Variants in SNX10 observed in about 807,000 individuals in gnomAD.
The protein encoded by SNX10 is sorting nexin 10, also known as sorting nexin-10.
In SNX10, 25 loss-of-function variants were observed where a neutral mutation model predicts 28.5. That is an observed-to-expected ratio of 0.88 (90% CI 0.64 to 1.22). SNX10 has a LOEUF of 1.22. Ranked by LOEUF, SNX10 falls within the 50% of genes most tolerant of loss-of-function variation. SNX10 has a pLI of 0.00. For synonymous variants in SNX10, 62 were observed against 81.4 expected, an observed-to-expected ratio of 0.76 and a Z score of 1.28; for missense variants, 223 against 242.6, an observed-to-expected ratio of 0.92 and a Z score of 0.54.
chr7:26,353,467 G>GGGC (rs1476592557), intron 2 of SNX10, among the ~76,000 whole-genome samples: 2 of 142,922 alleles, frequency 1.4e-5, no homozygotes, highest in Non-Finnish European at 3.1e-5. Context: ...TTTTGGTGGG[G>GGGC]AGACAGAGTC....
chr7:26,313,510 A>G (rs1786934513), intron 1 of SNX10, among the ~76,000 whole-genome samples: 2 of 152,208 alleles, frequency 1.3e-5, no homozygotes, highest in African/African-American at 4.8e-5. Context: ...CTGGGACTCT[A>G]TGCAAAGAAT....
At position 26,346,484 on chromosome 7, in the gene SNX10, C is replaced by CA; in HGVS notation, c.24+23dup. 6.3e-7 allele frequency: 1 copy of CA among 1,579,874 alleles called. No homozygotes were observed. Among genetic ancestry groups the CA allele is most frequent in the Non-Finnish European group, 8.7e-7 (1 of 1,149,060 alleles). ...AGAAAGAGGTATGTCATCACAAATC[C>CA]AAAAATAAATAACCCACTTATTTTG... On this transcript the variant is annotated intron_variant, in intron 2 of 6. Coordinates refer to ENST00000338523, the MANE Select transcript of SNX10 (RefSeq NM_013322.3).
intron 2 of SNX10, among the ~76,000 whole-genome samples, chr7:26,359,733 G>A (rs959832787): frequency 6.6e-6 from 1 of 151,158 alleles, no homozygotes; most frequent in Admixed American, 6.6e-5. Flanking sequence ...ATGCGATCTC[G>A]GCTCACTGCA....
At chr7:26,306,991 A>C (rs1258381566) in intron 1 of SNX10, among the ~76,000 whole-genome samples, 3 of 152,132 alleles carry the variant, frequency 2.0e-5, no homozygotes, top group Non-Finnish European at 4.4e-5. Flanking sequence ...GCCTCACACT[A>C]CTTTTACCAC....
chr7:26,322,529 T>C (rs1413290102), intron 1 of SNX10, among the ~76,000 whole-genome samples: 1 of 152,218 alleles, frequency 6.6e-6, no homozygotes, highest in Non-Finnish European at 1.5e-5. Flanking sequence ...AAGTACTGTT[T>C]AGGAACCCGT....
chr7:26,347,518 C>A (rs866328177), intron 2 of SNX10, among the ~76,000 whole-genome samples: 1 of 152,086 alleles, frequency 6.6e-6, no homozygotes, highest in Non-Finnish European at 1.5e-5. Context: ...TCAGCCCCGG[C>A]GACAGAGCAA....
rs772565532 is a variant in SNX10, at chr7:26,320,557, C to T, written c.-23-25863C>T. 3.3e-5 allele frequency among the ~76,000 whole-genome samples: 5 copies of T among 152,168 alleles called. No individual in the cohort carries two copies. In the East Asian group the frequency reaches 5.8e-4, roughly 18 times the overall value. The stretch of plus-strand genomic sequence containing the variant: ...AGTGATTTCTCCTGCCTCAGCCTCC[C>T]GAGTAGCTGGGACTACAGGCGCCCG... On this transcript the variant is annotated intron_variant, in intron 1 of 6. Coordinates refer to ENST00000338523, the MANE Select transcript of SNX10 (RefSeq NM_013322.3).
intron 1 of SNX10, among the ~76,000 whole-genome samples, chr7:26,310,940 CCCAAAGTGCTGGGATTACAGGCGTGAG>C (rs1320836415): frequency 6.1e-4 from 93 of 152,214 alleles, no homozygotes; most frequent in African/African-American, 2.2e-3. Context: ...ACCTCGGCCT[CCCAAAGTGCTGGGATTACAGGCGTGAG>C]CCACCGTGCC....
At chr7:26,342,833 G>C (rs1788232513) in intron 1 of SNX10, among the ~76,000 whole-genome samples, 1 of 151,904 alleles carries the variant, frequency 6.6e-6, no homozygotes, top group Non-Finnish European at 1.5e-5. Flanking sequence ...TTTTGAGACA[G>C]GGTCTCACTG....
intron 1 of SNX10, among the ~76,000 whole-genome samples, chr7:26,315,721 C>T (rs945530107): frequency 2.6e-5 from 4 of 151,132 alleles, no homozygotes; most frequent in East Asian, 1.9e-4. Flanking sequence ...TGCAAGATAG[C>T]GAATATAATA....
At chr7:26,303,937 T>G (rs953931938) in intron 1 of SNX10, among the ~76,000 whole-genome samples, 1 of 152,226 alleles carries the variant, frequency 6.6e-6, no homozygotes, top group Non-Finnish European at 1.5e-5. Context: ...ATATTTAACA[T>G]TGAATTTGAC....
chr7:26,304,666 T>C (rs373467885), intron 1 of SNX10, among the ~76,000 whole-genome samples: 93 of 152,312 alleles, frequency 6.1e-4, no homozygotes, highest in African/African-American at 2.0e-3. Flanking sequence ...AGTCCCACTT[T>C]ACCACATTTC....
In SNX10 at chr7:26,360,925, T is replaced by A. The variant is rs1375713992; in HGVS notation, c.25-50T>A. ...AGTCGTTTTGTTCAGTTCTTTCCAGTCCTACTTGCAGTTCTGAAGAATATT... is the reference window on the plus strand; with the variant it reads ...AGTCGTTTTGTTCAGTTCTTTCCAGACCTACTTGCAGTTCTGAAGAATATT... On this transcript the variant is annotated intron_variant, in intron 2 of 6. Transcript: ENST00000338523. 5 of 1,605,996 alleles carry A rather than the reference T, an allele frequency of 3.1e-6. No individual in the cohort carries two copies. In the Admixed American group the frequency reaches 6.7e-5, roughly 22 times the overall value.
intron 1 of SNX10, among the ~76,000 whole-genome samples, chr7:26,295,195 C>G (rs1786063248): frequency 6.6e-6 from 1 of 151,996 alleles, no homozygotes; most frequent in African/African-American, 2.4e-5. Context: ...ATCTGTGAAC[C>G]CCTTTCAAAT....
chr7:26,331,877 C>A (rs1191731368), intron 1 of SNX10, among the ~76,000 whole-genome samples: 1 of 152,128 alleles, frequency 6.6e-6, no homozygotes, highest in Non-Finnish European at 1.5e-5. Flanking sequence ...ACTGTTGTGA[C>A]CGGTTTCTTT....
chr7:26,342,220 T>C (rs1021883158), intron 1 of SNX10, among the ~76,000 whole-genome samples: 13 of 151,948 alleles, frequency 8.6e-5, no homozygotes, highest in African/African-American at 3.1e-4. Context: ...AGAGACGGGG[T>C]TTCACCATGT....
chr7:26,324,141 C>T (rs1007299924), intron 1 of SNX10, among the ~76,000 whole-genome samples: 3 of 152,102 alleles, frequency 2.0e-5, no homozygotes, highest in Non-Finnish European at 4.4e-5. Context: ...CAGGTAACAT[C>T]CACTCAGTTG....
At position 26,360,714 on chromosome 7, in the gene SNX10, G is replaced by A. The variant is rs958912409; in HGVS notation, c.25-261G>A. The A allele has an allele frequency of 3.9e-5, 25 of 637,482 alleles. No individual in the cohort carries two copies. In the Admixed American group the frequency reaches 9.5e-4, roughly 24 times the overall value. The allele number at this position is 637,482 out of a possible 1,614,324, so 39.5% of individuals were successfully genotyped here. A position where few individuals can be genotyped will look rare whatever the true frequency, so the allele number is the denominator to read the frequency against. On this transcript the variant is annotated intron_variant, in intron 2 of 6. Coordinates refer to ENST00000338523, the MANE Select transcript of SNX10 (RefSeq NM_013322.3). ...AGTTTTACAGTATACTTTGTCTTCA[G>A]ATAACCAGTAAAACTATCCAGAAGT...
At position 26,373,018 on chromosome 7, in the gene SNX10, C is replaced by G. The variant is rs1232539405; in HGVS notation, c.*446C>G. The G allele has an allele frequency of 6.5e-6, 1 of 153,642 alleles. No individual in the cohort carries two copies. Among genetic ancestry groups the G allele is most frequent in the East Asian group, 1.9e-4 (1 of 5,244 alleles). The allele number at this position is 153,642 out of a possible 1,614,324, so 9.5% of individuals were successfully genotyped here. On this transcript the variant is annotated 3_prime_UTR_variant, in exon 7 of 7. Transcript: ENST00000338523. This position sits in a 1 kb window ranked among gnomAD's most constrained non-coding sequence, Gnocchi z 4.2. ...AGAGTAACAGTGTAGACCAGACTGC[C>G]TCTCTCAGATATGTGCCTGATATTT...
Sources: allele counts gnomAD v4.1 joint callset (sites outside exome capture counted in the v4.1 genomes callset), GRCh38; gene constraint gnomAD v4.1.1; non-coding constraint Gnocchi (gnomAD v3.1); transcripts MANE v1.5; gene names NCBI Gene and HGNC (gene_info 2026-07-23, HGNC 2026-07-21).